TAF4B: variants seen among roughly 807,000 people sequenced by gnomAD.
The protein encoded by TAF4B is TATA-box binding protein associated factor 4b, also known as transcription initiation factor TFIID subunit 4B.
TAF4B carries 38 observed loss-of-function variants against 86.4 expected under a neutral mutation model. That is an observed-to-expected ratio of 0.44 (90% CI 0.34 to 0.58). TAF4B has a LOEUF of 0.58. Ranked by LOEUF, TAF4B falls within the 20% of genes least tolerant of loss-of-function variation. TAF4B has a pLI of 0.02. For synonymous variants in TAF4B, 388 were observed against 391.2 expected, an observed-to-expected ratio of 0.99 and a Z score of 0.10; for missense variants, 988 against 1,027.6, an observed-to-expected ratio of 0.96 and a Z score of 0.53.
chr18:26,335,392 G>C (rs774351634), intron 13 of TAF4B, among the ~76,000 whole-genome samples, 161 bp downstream of exon 13: 22 of 152,148 alleles, frequency 1.4e-4, no homozygotes, highest in Admixed American at 1.0e-3. Context: ...CTTCAAATGA[G>C]GTCAATGAGT....
intron 3 of TAF4B, among the ~76,000 whole-genome samples, chr18:26,274,159 A>G (rs989452750): frequency 1.3e-5 from 2 of 152,208 alleles, no homozygotes; most frequent in African/African-American, 4.8e-5. Flanking sequence ...ACCACGTTTT[A>G]TAATATTCTT....
chr18:26,272,835 G>A (rs2056338085), intron 3 of TAF4B, among the ~76,000 whole-genome samples: 1 of 152,294 alleles, frequency 6.6e-6, no homozygotes, highest in South Asian at 2.1e-4. Context: ...AGGTTGGAGA[G>A]CAGGACTAAA....
chr18:26,380,265 C>T (rs973256358), intron 14 of TAF4B, among the ~76,000 whole-genome samples: 1 of 152,100 alleles, frequency 6.6e-6, no homozygotes, highest in Non-Finnish European at 1.5e-5. Flanking sequence ...ATTAACCTTA[C>T]ACATTTCTTT....
chr18:26,281,472 CATT>C (rs1421368193), intron 5 of TAF4B, among the ~76,000 whole-genome samples: 1 of 152,178 alleles, frequency 6.6e-6, no homozygotes, highest in East Asian at 1.9e-4. Flanking sequence ...ACATCTTACA[CATT>C]ATCACTGGCA....
At chr18:26,259,099 G>A (rs899414887) in intron 1 of TAF4B, among the ~76,000 whole-genome samples, 4 of 151,408 alleles carry the variant, frequency 2.6e-5, no homozygotes, top group African/African-American at 9.7e-5. Flanking sequence ...CTTACTTGGG[G>A]TTTCTTGAGC....
intron 12 of TAF4B, among the ~76,000 whole-genome samples, chr18:26,328,655 T>C (rs1221782823): frequency 6.6e-6 from 1 of 152,154 alleles, no homozygotes; most frequent in African/African-American, 2.4e-5. Context: ...AATCTCTCTC[T>C]GTAGCTCAAG....
chr18:26,334,883 A>G (rs558854558), intron 12 of TAF4B, among the ~76,000 whole-genome samples: 65 of 152,126 alleles, frequency 4.3e-4, no homozygotes, highest in African/African-American at 1.5e-3. Context: ...CCAATTTTTT[A>G]GTTTTCAGTG....
intron 1 of TAF4B, among the ~76,000 whole-genome samples, chr18:26,245,529 T>G (rs1240259400): frequency 6.6e-6 from 1 of 152,168 alleles, no homozygotes; most frequent in Non-Finnish European, 1.5e-5. Context: ...CAGAGTGCCC[T>G]TTTTTCAATC....
Position 26,226,678 on chromosome 18 carries a change from A to G in TAF4B, c.-256A>G. The G allele has an allele frequency of 2.7e-6, 1 of 367,710 alleles. No individual in the cohort carries two copies. The highest frequency in any genetic ancestry group is 4.1e-5 in the East Asian group (1 of 24,296). 22.8% of individuals were successfully genotyped at this position (367,710 alleles called of 1,614,324 possible). A position where few individuals can be genotyped will look rare whatever the true frequency, so the allele number is the denominator to read the frequency against. On this transcript the variant is annotated 5_prime_UTR_variant, in exon 1 of 15. Transcript: ENST00000269142. ...GGCAGCGCACGTGTGAGCGCCGCTG[A>G]GGAAGCTGCGAGAGGTCGGGCGGGT... is the stretch of plus-strand genomic sequence containing the variant.
chr18:26,318,515 G>A (rs1359243567), intron 10 of TAF4B, among the ~76,000 whole-genome samples: 2 of 151,834 alleles, frequency 1.3e-5, no homozygotes, highest in Non-Finnish European at 2.9e-5. Flanking sequence ...TTTTCTTTTT[G>A]GAAAAAGGAT....
At chr18:26,336,874 C>A (rs1393522719) in intron 13 of TAF4B, among the ~76,000 whole-genome samples, 1 of 152,194 alleles carries the variant, frequency 6.6e-6, no homozygotes, top group East Asian at 1.9e-4. Context: ...TCATAAGCAT[C>A]TGAATCTTAG....
In TAF4B at chr18:26,315,258, C is replaced by G. The variant is rs746030476; in HGVS notation, c.1862C>G (p.Ser621Cys). The G allele has an allele frequency of 1.5e-5, 24 of 1,608,254 alleles. No individual in the cohort carries two copies. Among genetic ancestry groups the G allele is most frequent in the Non-Finnish European group, 5.9e-6 (7 of 1,178,276 alleles). The change falls in exon 10 of 15, where the codon TCT becomes TGT. Residue 621 changes from serine to cysteine, a missense_variant. Transcript: ENST00000269142. ...RDEDDINDVT[S>C]MAGVNLNEEN... ...GAGGATGACATCAATGATGTGACTT[C>G]TATGGCAGGGGTCAACCTTAATGAA...
chr18:26,329,612 A>G (rs1197594576), intron 12 of TAF4B, among the ~76,000 whole-genome samples: 13 of 152,342 alleles, frequency 8.5e-5, no homozygotes, highest in Admixed American at 1.3e-4. Context: ...TTCCAAGAGT[A>G]TAAGCCTTAC....
chr18:26,321,119 C>A lies in TAF4B; in HGVS notation c.2052C>A (p.Ile684=), dbSNP rs144766716. The change falls in exon 11 of 15, where the codon ATC becomes ATA. Residue 684 remains isoleucine (I), a synonymous_variant. Coordinates refer to ENST00000269142, the MANE Select transcript of TAF4B (RefSeq NM_005640.3). ...TTAACTCTGATGCTGTGAACTTGATCTCCCAAGCAACACAGGAACGACTAC... is the reference window on the plus strand; with the variant it reads ...TTAACTCTGATGCTGTGAACTTGATATCCCAAGCAACACAGGAACGACTAC... ...TELNSDAVNL[I]SQATQERLRG... 1 of 1,613,862 alleles carries A rather than the reference C, an allele frequency of 6.2e-7. No homozygotes were observed.
In TAF4B at chr18:26,373,905, A is replaced by G. The variant is rs116939844; in HGVS notation, c.2422-15940A>G. ...ATCATAGCAGTGCTGGATTTATGCC[A>G]CTATAGCCTTTTCTGCCTTAACACA... On this transcript the variant is annotated intron_variant, in intron 14 of 14. Coordinates refer to ENST00000269142, the MANE Select transcript of TAF4B (RefSeq NM_005640.3). Among the ~76,000 whole-genome samples, 28 of 152,332 alleles carry G rather than the reference A, an allele frequency of 1.8e-4. No individual in the cohort carries two copies. In the East Asian group the frequency reaches 5.2e-3, roughly 28 times the overall value.
intron 14 of TAF4B, among the ~76,000 whole-genome samples, chr18:26,365,375 A>G (rs1413962444): frequency 2.6e-5 from 4 of 152,206 alleles, no homozygotes; most frequent in Non-Finnish European, 5.9e-5. Context: ...ATACATTAGA[A>G]TATTTGATTG....
intron 9 of TAF4B, among the ~76,000 whole-genome samples, chr18:26,310,000 T>C (rs2056837495): frequency 6.6e-6 from 1 of 152,032 alleles, no homozygotes; most frequent in South Asian, 2.1e-4. Flanking sequence ...TTTTTGTATT[T>C]TTAGTAGAGA....
At chr18:26,278,347 C>T (rs778953107) in intron 5 of TAF4B, among the ~76,000 whole-genome samples, 15 of 152,052 alleles carry the variant, frequency 9.9e-5, no homozygotes, top group Non-Finnish European at 1.8e-4. Flanking sequence ...CTCTCTTGCT[C>T]AGGCTGGAGT....
At chr18:26,315,677 T>C (rs1296856834) in intron 10 of TAF4B, among the ~76,000 whole-genome samples, 6 of 152,206 alleles carry the variant, frequency 3.9e-5, no homozygotes, top group Admixed American at 3.3e-4. Context: ...TATTTTTTTT[T>C]CTGTCCTGTT....
Sources: allele counts gnomAD v4.1 joint callset (sites outside exome capture counted in the v4.1 genomes callset), GRCh38; gene constraint gnomAD v4.1.1; transcripts MANE v1.5; gene names NCBI Gene and HGNC (gene_info 2026-07-23, HGNC 2026-07-21).